ATXN1: variants seen among roughly 807,000 people sequenced by gnomAD.
ATXN1 encodes ataxin-1.
In ATXN1, 8 loss-of-function variants were observed where a neutral mutation model predicts 56.4. The ratio of observed to expected loss-of-function variants is 0.14; its 90% confidence interval spans 0.08 to 0.26. ATXN1 has a LOEUF of 0.26. Ranked by LOEUF, ATXN1 falls within the 10% of genes least tolerant of loss-of-function variation. The pLI is 1.00. For synonymous variants in ATXN1, 514 were observed against 494.6 expected (o/e 1.04, Z -0.52); for missense variants, 987 against 1,106.5 (o/e 0.89, Z 1.53).
intron 6 of ATXN1, among the ~76,000 whole-genome samples, chr6:16,434,232 C>T (rs1296951629): frequency 6.6e-6 from 1 of 152,068 alleles, no homozygotes; most frequent in Non-Finnish European, 1.5e-5. Flanking sequence ...CATTTTTAGC[C>T]TTTTTTGGCA....
In ATXN1 at chr6:16,410,724, A is replaced by C. The variant is rs1220298415; in HGVS notation, c.-161+75248T>G. 1.3e-5 allele frequency among the ~76,000 whole-genome samples: 2 copies of C among 152,224 alleles called. No homozygotes were observed. Among genetic ancestry groups the C allele is most frequent in the East Asian group, 1.9e-4 (1 of 5,200 alleles). On this transcript the variant is annotated intron_variant, in intron 6 of 7. Coordinates refer to ENST00000436367, the MANE Select transcript of ATXN1 (RefSeq NM_001128164.2). This position sits in a 1 kb window ranked among gnomAD's most constrained non-coding sequence, Gnocchi z 4.6. ...CTACAAGCTTGTCAGAATTACATCT[A>C]TTCAGGTCATATACAACATCCGTGG...
chr6:16,713,551 A>T (rs754195053), intron 2 of ATXN1, among the ~76,000 whole-genome samples: 28 of 152,346 alleles, frequency 1.8e-4, no homozygotes, highest in South Asian at 4.1e-4. Flanking sequence ...CAGGGAAAGA[A>T]TCTGAGAAAA....
intron 2 of ATXN1, among the ~76,000 whole-genome samples, chr6:16,749,225 T>C (rs996848311): frequency 6.6e-6 from 1 of 152,198 alleles, no homozygotes; most frequent in African/African-American, 2.4e-5. Context: ...TTGCCACAAA[T>C]GAACAATTGC....
At chr6:16,358,940 C>T (rs575575522) in intron 6 of ATXN1, among the ~76,000 whole-genome samples, 2 of 152,302 alleles carry the variant, frequency 1.3e-5, no homozygotes, top group African/African-American at 2.4e-5. Flanking sequence ...CTGCCCCTTC[C>T]GAGTTGTCAG....
intron 4 of ATXN1, among the ~76,000 whole-genome samples, chr6:16,576,300 CATATG>C (rs1244396410): frequency 1.3e-5 from 2 of 152,166 alleles, no homozygotes; most frequent in African/African-American, 4.8e-5. Flanking sequence ...TTCTTTTCTA[CATATG>C]ATAGTTCAGC....
intron 4 of ATXN1, among the ~76,000 whole-genome samples, chr6:16,541,362 C>T (rs1761709805): frequency 6.6e-6 from 1 of 152,190 alleles, no homozygotes; most frequent in Admixed American, 6.5e-5. Context: ...TTTCTCCTTC[C>T]ACCCCAGCAG....
Position 16,326,172 on chromosome 6 carries a change from CCA to C in ATXN1, c.1917+220_1917+221del, listed in dbSNP as rs1760799799. Among the ~76,000 whole-genome samples, 1 of 152,108 alleles carries C rather than the reference CCA, an allele frequency of 6.6e-6. No individual in the cohort carries two copies. Among genetic ancestry groups the C allele is most frequent in the Admixed American group, 6.5e-5 (1 of 15,276 alleles). ...TGTCTCAAGGACTCCATAACTAGCC[CCA>C]CTCTCCATGCATGGAGGTTAATTCA... On this transcript the variant is annotated intron_variant, in intron 7 of 7. Transcript: ENST00000436367. The surrounding 1 kb of genome is among the most constrained non-coding windows in gnomAD (Gnocchi z 6.6).
intron 3 of ATXN1, among the ~76,000 whole-genome samples, chr6:16,653,406 A>G (rs1442484532): frequency 6.6e-6 from 1 of 152,234 alleles, no homozygotes; most frequent in Non-Finnish European, 1.5e-5. Flanking sequence ...CAGCAGCGGG[A>G]CCGCTCTTCT....
At chr6:16,610,664 TAATC>T (rs1260171530) in intron 3 of ATXN1, among the ~76,000 whole-genome samples, 1 of 152,132 alleles carries the variant, frequency 6.6e-6, no homozygotes, top group Non-Finnish European at 1.5e-5. Flanking sequence ...AGAAGCTCCC[TAATC>T]AATCAAAAAT....
At chr6:16,682,884 A>G (rs1758842177) in intron 2 of ATXN1, among the ~76,000 whole-genome samples, 1 of 152,218 alleles carries the variant, frequency 6.6e-6, no homozygotes. Context: ...TCCCGCTTCT[A>G]TTCATATGCT....
intron 6 of ATXN1, among the ~76,000 whole-genome samples, chr6:16,411,141 A>AAAG (rs1554144610): frequency 3.3e-5 from 5 of 150,598 alleles, no homozygotes; most frequent in Admixed American, 2.6e-4. Context: ...AAAAAAAAAA[A>AAAG]AAAAGAAAAG....
intron 6 of ATXN1, among the ~76,000 whole-genome samples, chr6:16,437,882 G>A (rs1759426227): frequency 6.6e-6 from 1 of 152,162 alleles, no homozygotes. Context: ...ACCTTGTCTG[G>A]GGAAGAGGGT....
intron 5 of ATXN1, among the ~76,000 whole-genome samples, chr6:16,500,101 T>C (rs1760854650): frequency 1.3e-5 from 2 of 152,244 alleles, no homozygotes; most frequent in Non-Finnish European, 2.9e-5. Flanking sequence ...CTTGTCACCT[T>C]GCACCACTTG....
At chr6:16,558,537 T>G (rs1762058048) in intron 4 of ATXN1, among the ~76,000 whole-genome samples, 1 of 151,728 alleles carries the variant, frequency 6.6e-6, no homozygotes, top group Non-Finnish European at 1.5e-5. Context: ...TTTGGCTATT[T>G]ATTATTATTA....
intron 3 of ATXN1, among the ~76,000 whole-genome samples, chr6:16,602,152 C>T (rs1762923384): frequency 6.6e-6 from 1 of 152,098 alleles, no homozygotes; most frequent in African/African-American, 2.4e-5. Context: ...TTGTCTTCCG[C>T]AAAATCATAA....
intron 6 of ATXN1, among the ~76,000 whole-genome samples, chr6:16,382,994 C>T (rs898017583): frequency 2.6e-5 from 4 of 152,056 alleles, no homozygotes; most frequent in African/African-American, 7.2e-5. Flanking sequence ...TCCTCTCTGT[C>T]CCAAGTTCCC....
At position 16,424,934 on chromosome 6, in the gene ATXN1, G is replaced by A. The variant is rs117981077; in HGVS notation, c.-161+61038C>T. On this transcript the variant is annotated intron_variant, in intron 6 of 7. Transcript: ENST00000436367. ...ACCTTCCAGAACCATCTAATGGCAT[G>A]GGTCAGAACTACTGACTGCTGCATT... 1.6e-3 allele frequency among the ~76,000 whole-genome samples: 237 copies of A among 152,294 alleles called. 3 individuals are homozygous for A. In the East Asian group the frequency reaches 0.019, roughly 12 times the overall value.
chr6:16,563,984 T>A (rs1762167690), intron 4 of ATXN1, among the ~76,000 whole-genome samples: 1 of 152,154 alleles, frequency 6.6e-6, no homozygotes, highest in South Asian at 2.1e-4. Context: ...AGGTGTATGA[T>A]CTGGGATCAT....
rs571380198 is a variant in ATXN1, at chr6:16,482,671, C to T, written c.-161+3301G>A. Among the ~76,000 whole-genome samples, 23 of 152,192 alleles carry T rather than the reference C, an allele frequency of 1.5e-4. No homozygotes were observed. In the East Asian group the frequency reaches 1.5e-3, roughly 10 times the overall value. ...TCAAAAGGACCAATGAGTGTGGACC[C>T]TAAATTTAAACAGCTAAAGCTATAG... is the stretch of plus-strand genomic sequence containing the variant. On this transcript the variant is annotated intron_variant, in intron 6 of 7. Transcript: ENST00000436367.
Sources: gnomAD v4.1 joint callset for allele counts (sites outside exome capture counted in the v4.1 genomes callset) on GRCh38, gnomAD v4.1.1 for gene constraint, Gnocchi (gnomAD v3.1) non-coding constraint, MANE v1.5 for transcripts, NCBI Gene and HGNC (gene_info 2026-07-23, HGNC 2026-07-21) for gene names.